MRGPRX3: variants seen among roughly 807,000 people sequenced by gnomAD.
The protein encoded by MRGPRX3 is mas-related G protein-coupled receptor member X3.
MRGPRX3 carries 14 observed loss-of-function variants against 16.5 expected under a neutral mutation model. The observed-to-expected ratio is 0.85, with a 90% CI of 0.56 to 1.33. MRGPRX3 has a LOEUF of 1.33. MRGPRX3 is among the 40% of genes most tolerant of loss of function. The probability of loss-of-function intolerance (pLI) is 0.00; values close to 1 mark genes in which losing one functional copy is unlikely to be tolerated. For missense variants in MRGPRX3, 449 were observed against 413.0 expected (o/e 1.09, Z -0.76); for synonymous variants, 199 against 180.1 (o/e 1.10, Z -0.84).
At chr11:18,127,239 A>G (rs1488313084) in intron 1 of MRGPRX3, among the ~76,000 whole-genome samples, 1 of 152,036 alleles carries the variant, frequency 6.6e-6, no homozygotes, top group Non-Finnish European at 1.5e-5. Flanking sequence ...GAATCTGACA[A>G]TTATGTGTCT....
At chr11:18,130,696 C>A (rs201403106), upstream of MRGPRX3, among the ~76,000 whole-genome samples, 56 of 133,164 alleles carry the variant, frequency 4.2e-4, no homozygotes, top group East Asian at 6.5e-4. Context: ...GAACAACAAC[C>A]AAAAAAAAAA....
At chr11:18,123,422 C>T (rs963383878) in intron 1 of MRGPRX3, among the ~76,000 whole-genome samples, 2 of 152,174 alleles carry the variant, frequency 1.3e-5, no homozygotes, top group African/African-American at 4.8e-5. Flanking sequence ...CCAGTTTTCC[C>T]AGCACCATTT....
chr11:18,126,561 A>T (rs1032474813), intron 1 of MRGPRX3, among the ~76,000 whole-genome samples: 11 of 152,080 alleles, frequency 7.2e-5, no homozygotes, highest in Admixed American at 2.6e-4. Flanking sequence ...TTACATATGT[A>T]TACAGGTACC....
intron 1 of MRGPRX3, among the ~76,000 whole-genome samples, chr11:18,135,942 C>T (rs1010345918): frequency 3.9e-5 from 6 of 152,176 alleles, no homozygotes; most frequent in African/African-American, 1.4e-4. Flanking sequence ...CTAGGCTCTT[C>T]AGATGATTAA....
intron 1 of MRGPRX3, among the ~76,000 whole-genome samples, chr11:18,124,968 A>G (rs1473608588): frequency 3.9e-5 from 6 of 152,220 alleles, no homozygotes; most frequent in Non-Finnish European, 5.9e-5. Flanking sequence ...TTTCTAGTTT[A>G]TTTGCATAGA....
upstream of MRGPRX3, among the ~76,000 whole-genome samples, chr11:18,128,633 A>G (rs1449839903): frequency 6.6e-6 from 1 of 152,208 alleles, no homozygotes; most frequent in Non-Finnish European, 1.5e-5. Flanking sequence ...GGGAAAGCGC[A>G]GTATTAGGAT....
chr11:18,133,325 T>G (rs1419001663), intron 1 of MRGPRX3, among the ~76,000 whole-genome samples: 1 of 151,742 alleles, frequency 6.6e-6, no homozygotes, highest in Non-Finnish European at 1.5e-5. Context: ...GCCATAAGGG[T>G]GGGAGAGCAT....
chr11:18,131,971 G>A (rs1848964755), upstream of MRGPRX3, among the ~76,000 whole-genome samples: 2 of 152,264 alleles, frequency 1.3e-5, no homozygotes, highest in South Asian at 4.2e-4. Flanking sequence ...CTGCTCAGGT[G>A]ATGGGTGCAC....
intron 1 of MRGPRX3, among the ~76,000 whole-genome samples, chr11:18,133,269 G>A (rs1204849517): frequency 6.6e-6 from 1 of 152,170 alleles, no homozygotes; most frequent in Non-Finnish European, 1.5e-5. Flanking sequence ...AGGCTGAAAC[G>A]GACAGGGAAG....
intron 1 of MRGPRX3, among the ~76,000 whole-genome samples, chr11:18,121,343 G>A (rs1004618041): frequency 6.6e-6 from 1 of 150,554 alleles, no homozygotes; most frequent in Non-Finnish European, 1.5e-5. Context: ...TCAGCCCCCC[G>A]CCTGGCCAGC....
At chr11:18,136,698 G>A (rs188585371) in intron 1 of MRGPRX3, among the ~76,000 whole-genome samples, 42 of 152,302 alleles carry the variant, frequency 2.8e-4, no homozygotes, top group Middle Eastern at 6.8e-3. Context: ...GACACACTGA[G>A]TTATTTCTCA....
upstream of MRGPRX3, among the ~76,000 whole-genome samples, chr11:18,129,022 C>T (rs900007923): frequency 2.0e-5 from 3 of 152,144 alleles, no homozygotes; most frequent in East Asian, 5.8e-4. Flanking sequence ...CCTATCAAAA[C>T]CTCTGAAATA....
intron 1 of MRGPRX3, among the ~76,000 whole-genome samples, chr11:18,135,752 T>C (rs1396862975): frequency 6.6e-6 from 1 of 152,138 alleles, no homozygotes; most frequent in Non-Finnish European, 1.5e-5. Flanking sequence ...CCCTCTAACA[T>C]GTATAATCGA....
At chr11:18,135,201 G>A (rs1287767427) in intron 1 of MRGPRX3, among the ~76,000 whole-genome samples, 1 of 152,124 alleles carries the variant, frequency 6.6e-6, no homozygotes, top group Non-Finnish European at 1.5e-5. Context: ...AGTCTTTAAA[G>A]AACATCATAG....
chr11:18,125,316 G>A (rs1394864530), intron 1 of MRGPRX3, among the ~76,000 whole-genome samples: 1 of 152,064 alleles, frequency 6.6e-6, no homozygotes, highest in Non-Finnish European at 1.5e-5. Context: ...GCTTTCTCTT[G>A]TAGGCATTTA....
intron 1 of MRGPRX3, among the ~76,000 whole-genome samples, chr11:18,122,019 GAAAAAAAGAAAAA>G (rs1393398671): frequency 2.3e-3 from 58 of 25,608 alleles, no homozygotes; most frequent in Non-Finnish European, 8.7e-3. Flanking sequence ...TAAAAAAAAA[GAAAAAAAGAAAAA>G]AAAAAAAGAA....
chr11:18,130,714 C>T (rs1392506790), upstream of MRGPRX3, among the ~76,000 whole-genome samples: 1 of 138,680 alleles, frequency 7.2e-6, no homozygotes, highest in Admixed American at 6.9e-5. Context: ...AAAAAAAAAC[C>T]CGCATAGCCA....
intron 1 of MRGPRX3, among the ~76,000 whole-genome samples, chr11:18,121,727 T>G (rs553165499): frequency 3.6e-4 from 55 of 152,344 alleles, no homozygotes; most frequent in African/African-American, 1.3e-3. Flanking sequence ...CTGAAACATG[T>G]GCTGTGTCCA....
Position 18,138,108 on chromosome 11 carries a change from T to C in MRGPRX3, c.906T>C (p.Asp302=). 1 of 1,614,078 alleles carries C rather than the reference T, an allele frequency of 6.2e-7. No individual in the cohort carries two copies. The highest frequency in any genetic ancestry group is 8.5e-7 in the Non-Finnish European group (1 of 1,180,000). The change falls in exon 2 of 2, where the codon GAT becomes GAC. Residue 302 remains aspartate, a synonymous_variant. Coordinates refer to ENST00000621697, the MANE Select transcript of MRGPRX3 (RefSeq NM_001370464.1). The part of the protein sequence containing the change: ...QRALQDTPEV[D]EGGGWLPQET... ...CTCTGCAGGACACGCCTGAGGTGGA[T>C]GAAGGTGGAGGGTGGCTTCCTCAGG...
Sources: gnomAD v4.1 joint callset for allele counts (sites outside exome capture counted in the v4.1 genomes callset) on GRCh38, gnomAD v4.1.1 for gene constraint, MANE v1.5 for transcripts, NCBI Gene and HGNC (gene_info 2026-07-23, HGNC 2026-07-21) for gene names.